Variants in RPL22 observed in about 807,000 individuals in gnomAD.
RPL22 encodes the protein ribosomal protein L22.
RPL22 carries 4 observed loss-of-function variants against 16.2 expected under a neutral mutation model. The ratio of observed to expected loss-of-function variants is 0.25; its 90% CI spans 0.12 to 0.57. The LOEUF is 0.57. RPL22 is among the 20% of genes least tolerant of loss of function. RPL22 has a pLI of 0.92. For missense variants in RPL22, 83 were observed against 156.1 expected (o/e 0.53, Z 2.49); for synonymous variants, 43 against 54.8 (o/e 0.78, Z 0.95).
intron 1 of RPL22, 26 bp downstream of exon 1, chr1:6,199,536 G>A (rs201655993): frequency 3.9e-6 from 6 of 1,557,174 alleles, no homozygotes; most frequent in South Asian, 1.2e-5. Context: ...CCCTGGAGCC[G>A]AGGCCTCACG....
chr1:6,189,765 C>G (rs942868533), intron 3 of RPL22, among the ~76,000 whole-genome samples: 3 of 152,072 alleles, frequency 2.0e-5, no homozygotes, highest in Admixed American at 1.3e-4. Context: ...ACTAAAAATA[C>G]AAAAAATTAA....
In RPL22 at chr1:6,186,563, T is replaced by C. The variant is rs545571580; in HGVS notation, c.*109A>G. ...ACCAAGGGAAGCCCTTTGACTATGA[T>C]TTCCAATTTTCTGTTCAATCCACAC... is the stretch of plus-strand genomic sequence containing the variant. On this transcript the variant is annotated 3_prime_UTR_variant, in exon 4 of 4. Coordinates refer to ENST00000234875, the MANE Select transcript of RPL22 (RefSeq NM_000983.4). The C allele has an allele frequency of 4.8e-4, 326 of 686,288 alleles. 2 individuals are homozygous for C. In the East Asian group the frequency reaches 9.4e-3, roughly 20 times the overall value. 42.5% of individuals were successfully genotyped at this position (686,288 alleles called of 1,614,324 possible).
chr1:6,190,305 A>G (rs1667633860), intron 3 of RPL22, among the ~76,000 whole-genome samples: 1 of 152,230 alleles, frequency 6.6e-6, no homozygotes, highest in African/African-American at 2.4e-5. Context: ...AGCTAAACAT[A>G]AAAGCATTAA....
intron 2 of RPL22, 64 bp downstream of exon 2, chr1:6,197,588 G>T (rs1418037312): frequency 4.7e-6 from 5 of 1,063,442 alleles, no homozygotes; most frequent in African/African-American, 1.6e-5. Context: ...TACCCCAGTA[G>T]GTTTTCTCAA....
chr1:6,191,988 G>A (rs1230858751), intron 3 of RPL22, among the ~76,000 whole-genome samples: 13 of 144,918 alleles, frequency 9.0e-5, no homozygotes, highest in Non-Finnish European at 1.6e-4. Context: ...AACAGAGCAA[G>A]ACTCGGTTTC....
At chr1:6,191,218 C>G (rs57314419) in intron 3 of RPL22, among the ~76,000 whole-genome samples, 39,553 of 150,350 alleles carry the variant, frequency 0.26, 9,224 homozygotes, top group African/African-American at 0.63. Context: ...AAATTAGCCA[C>G]GAGTGGTGGC....
intron 2 of RPL22, among the ~76,000 whole-genome samples, chr1:6,195,910 A>T (rs773218821): frequency 1.3e-4 from 19 of 148,532 alleles, no homozygotes; most frequent in Admixed American, 5.4e-4. Context: ...TAATAATACA[A>T]AAATTAGCCA....
In RPL22 at chr1:6,186,480, A is replaced by C. The variant is rs1384622385; in HGVS notation, c.*192T>G. 1.5e-5 allele frequency: 7 copies of C among 468,428 alleles called. No individual in the cohort carries two copies. Among genetic ancestry groups the C allele is most frequent in the Non-Finnish European group, 2.6e-5 (7 of 266,258 alleles). 29.0% of individuals were successfully genotyped at this position (468,428 alleles called of 1,614,324 possible). On this transcript the variant is annotated 3_prime_UTR_variant, in exon 4 of 4. Transcript: ENST00000234875. ...CCTTCTACTCTGGTATTACCACGAG[A>C]ATTGAAATTTTTAAGCAGAAAAAAA...
chr1:6,186,271 A>G lies in RPL22; in HGVS notation c.*401T>C. ...GTCATTTTCCCACAGAGAATCTTAG[A>G]AAGATGTCGCGTTTTCTTTTAATGA... On this transcript the variant is annotated 3_prime_UTR_variant, in exon 4 of 4. Coordinates refer to ENST00000234875, the MANE Select transcript of RPL22 (RefSeq NM_000983.4). The G allele has an allele frequency of 4.1e-6, 1 of 246,098 alleles. No homozygotes were observed. Among genetic ancestry groups the G allele is most frequent in the Admixed American group, 5.4e-5 (1 of 18,552 alleles). The allele number at this position is 246,098 out of a possible 1,614,324, so 15.2% of individuals were successfully genotyped here. A position where few individuals can be genotyped will look rare whatever the true frequency, so the allele number is the denominator to read the frequency against.
chr1:6,189,443 G>C (rs80024766), intron 3 of RPL22, among the ~76,000 whole-genome samples: 1,918 of 152,112 alleles, frequency 0.013, 46 homozygotes, highest in African/African-American at 0.044. Context: ...CACTCGTGTA[G>C]TCCCAGCTAT....
intron 3 of RPL22, among the ~76,000 whole-genome samples, chr1:6,190,111 T>C (rs77728216): frequency 0.013 from 1,928 of 152,248 alleles, 46 homozygotes; most frequent in African/African-American, 0.044. Context: ...AAGTGACGCA[T>C]GTCAGGAGAT....
In RPL22 at chr1:6,185,129, A is replaced by G. The variant is rs1045108696; in HGVS notation, c.*1543T>C. 3 of 392,114 alleles carry G rather than the reference A, an allele frequency of 7.7e-6. No individual in the cohort carries two copies. The highest frequency in any genetic ancestry group is 2.1e-5 in the African/African-American group (1 of 48,564). 24.3% of individuals were successfully genotyped at this position (392,114 alleles called of 1,614,324 possible). Reference sequence around the variant, plus strand: ...ACCAGTGAGTTTCAATTTTATTACAAGTTTTCAAATCTGGGACTAGTTTCT... The same window carrying G: ...ACCAGTGAGTTTCAATTTTATTACAGGTTTTCAAATCTGGGACTAGTTTCT... On this transcript the variant is annotated 3_prime_UTR_variant, in exon 4 of 4. Coordinates refer to ENST00000234875, the MANE Select transcript of RPL22 (RefSeq NM_000983.4).
intron 3 of RPL22, among the ~76,000 whole-genome samples, chr1:6,189,496 C>A (rs1226956111): frequency 2.0e-5 from 3 of 150,580 alleles, no homozygotes; most frequent in Non-Finnish European, 1.5e-5. Context: ...GAGATGGAGG[C>A]TAGAGTGAGC....
intron 2 of RPL22, among the ~76,000 whole-genome samples, chr1:6,194,541 TC>T (rs1667691492): frequency 6.6e-6 from 1 of 152,172 alleles, no homozygotes; most frequent in Non-Finnish European, 1.5e-5. Flanking sequence ...TGACATGAAG[TC>T]CCTTTCAGCT....
rs1025579278 is a variant in RPL22 at position 6,185,571 on chromosome 1, C to A, written c.*1101G>T. 3 of 393,536 alleles carry A rather than the reference C, an allele frequency of 7.6e-6. No homozygotes were observed. The highest frequency in any genetic ancestry group is 4.4e-5 in the Admixed American group (1 of 22,582). The allele number at this position is 393,536 out of a possible 1,614,324, so 24.4% of individuals were successfully genotyped here. A position where few individuals can be genotyped will look rare whatever the true frequency, so the allele number is the denominator to read the frequency against. Reference sequence around the variant, plus strand: ...CAGGGCACAATTTCAAGTGTGGAAACCATCTGTAGGCAAGCTCTTTTAAAA... The same window carrying A: ...CAGGGCACAATTTCAAGTGTGGAAAACATCTGTAGGCAAGCTCTTTTAAAA... On this transcript the variant is annotated 3_prime_UTR_variant, in exon 4 of 4. Coordinates refer to ENST00000234875, the MANE Select transcript of RPL22 (RefSeq NM_000983.4).
intron 2 of RPL22, among the ~76,000 whole-genome samples, chr1:6,195,788 C>T (rs531303490): frequency 1.3e-3 from 195 of 151,732 alleles, no homozygotes; most frequent in African/African-American, 4.1e-3. Flanking sequence ...AATGGCCAGG[C>T]GCAGTGGCTC....
intron 2 of RPL22, 73 bp from the exon 3 acceptor site, chr1:6,193,127 C>CA: frequency 6.5e-7 from 1 of 1,541,796 alleles, no homozygotes; most frequent in South Asian, 1.1e-5. Flanking sequence ...ATCTGTCTCC[C>CA]AACACTGAAC....
At position 6,189,538 on chromosome 1, in the gene RPL22, G is replaced by C. The variant is rs1343422165; in HGVS notation, c.243-2722C>G. ...CACCCCACTGCTCTCCAGCCTTGGT[G>C]ACAGAGTAAGACCCTATCTAAAAAA... On this transcript the variant is annotated intron_variant, in intron 3 of 3. Transcript: ENST00000234875. Among the ~76,000 whole-genome samples, 3 of 147,742 alleles carry C rather than the reference G, an allele frequency of 2.0e-5. No homozygotes were observed. In the Admixed American group the frequency reaches 2.1e-4, roughly 10 times the overall value.
chr1:6,187,299 C>T (rs1424761149), intron 3 of RPL22, among the ~76,000 whole-genome samples: 1 of 151,686 alleles, frequency 6.6e-6, no homozygotes, highest in Non-Finnish European at 1.5e-5. Flanking sequence ...CAGAGCAAGA[C>T]TGCCTCCAAA....
Sources: allele counts gnomAD v4.1 joint callset (sites outside exome capture counted in the v4.1 genomes callset), GRCh38; gene constraint gnomAD v4.1.1; transcripts MANE v1.5; gene names NCBI Gene and HGNC (gene_info 2026-07-23, HGNC 2026-07-21).